INPP4B: variants seen among roughly 807,000 people sequenced by gnomAD.
The protein encoded by INPP4B is inositol polyphosphate-4-phosphatase type II B, also known as inositol polyphosphate 4-phosphatase type II.
INPP4B carries 55 observed loss-of-function variants against 122.5 expected under a neutral mutation model. The observed-to-expected ratio is 0.45, with a 90% CI of 0.36 to 0.56. The LOEUF (loss-of-function observed/expected upper bound fraction) is 0.56. Ranked by LOEUF, INPP4B falls within the 20% of genes least tolerant of loss-of-function variation. The probability of loss-of-function intolerance (pLI) is 0.00; values close to 1 mark genes in which losing one functional copy is unlikely to be tolerated. For missense variants in INPP4B, 1,000 were observed against 1,097.7 expected, an observed-to-expected ratio of 0.91 and a Z score of 1.26; for synonymous variants, 403 against 388.7, an observed-to-expected ratio of 1.04 and a Z score of -0.43.
At chr4:142,727,887 A>C (rs947612678) in intron 1 of INPP4B, among the ~76,000 whole-genome samples, 1 of 152,162 alleles carries the variant, frequency 6.6e-6, no homozygotes, top group Non-Finnish European at 1.5e-5. Context: ...CCCAACCCCC[A>C]AAAAATCAGT....
intron 25 of INPP4B, among the ~76,000 whole-genome samples, chr4:142,054,365 C>A (rs1450345366): frequency 2.0e-5 from 3 of 151,838 alleles, no homozygotes; most frequent in South Asian, 4.2e-4. Context: ...GCTGCAAGTT[C>A]AAGTTCATTA....
intron 7 of INPP4B, among the ~76,000 whole-genome samples, chr4:142,357,653 A>T (rs777303236): frequency 6.6e-6 from 1 of 151,378 alleles, no homozygotes; most frequent in Non-Finnish European, 1.5e-5. Flanking sequence ...TGAGTACTGA[A>T]TAAGATGGGT....
At position 142,793,920 on chromosome 4, in the gene INPP4B, TGG is replaced by T. The variant is rs1436759876; in HGVS notation, c.-254+52287_-254+52288del. ...AAAATATTAAAGGAAACTAAACAAA[TGG>T]ATAGATGTACCATATTCATATATTG... is the stretch of plus-strand genomic sequence containing the variant. On this transcript the variant is annotated intron_variant, in intron 1 of 25. Coordinates refer to ENST00000262992, the MANE Select transcript of INPP4B (RefSeq NM_001101669.3). Among the ~76,000 whole-genome samples the T allele has an allele frequency of 5.4e-3, 814 of 152,138 alleles. 4 individuals carry two copies. Among genetic ancestry groups the T allele is most frequent in the African/African-American group, 0.018 (727 of 41,538 alleles).
chr4:142,239,764 T>C (rs1858376832), intron 11 of INPP4B, among the ~76,000 whole-genome samples: 1 of 152,142 alleles, frequency 6.6e-6, no homozygotes, highest in African/African-American at 2.4e-5. Flanking sequence ...CATTATTTTA[T>C]GGTAAGACAA....
intron 18 of INPP4B, among the ~76,000 whole-genome samples, chr4:142,145,541 G>A (rs1810228432): frequency 6.6e-6 from 1 of 151,952 alleles, no homozygotes. Flanking sequence ...TAAAATTTTG[G>A]AGGAATGTGT....
At chr4:142,513,273 T>A (rs1374276701) in intron 2 of INPP4B, among the ~76,000 whole-genome samples, 1 of 152,120 alleles carries the variant, frequency 6.6e-6, no homozygotes, top group Non-Finnish European at 1.5e-5. Context: ...AAAAACAAAT[T>A]TACTTCTCAC....
At chr4:142,508,058 A>T (rs1359181452) in intron 2 of INPP4B, among the ~76,000 whole-genome samples, 1 of 152,034 alleles carries the variant, frequency 6.6e-6, no homozygotes, top group Admixed American at 6.6e-5. Context: ...TGAGATATAG[A>T]TCTTCTTTCA....
At chr4:142,302,116 AG>A (rs1213917891) in intron 9 of INPP4B, among the ~76,000 whole-genome samples, 2 of 152,160 alleles carry the variant, frequency 1.3e-5, no homozygotes, top group Non-Finnish European at 2.9e-5. Flanking sequence ...GGATAGAGTC[AG>A]GGTTCTGGGA....
chr4:142,300,033 T>A (rs755877785), intron 9 of INPP4B, among the ~76,000 whole-genome samples: 2 of 152,176 alleles, frequency 1.3e-5, no homozygotes, highest in Non-Finnish European at 2.9e-5. Context: ...TGCAAAAAAG[T>A]GTAGGAATAG....
At chr4:142,206,409 C>A (rs1223060624) in intron 14 of INPP4B, among the ~76,000 whole-genome samples, 1 of 149,806 alleles carries the variant, frequency 6.7e-6, no homozygotes, top group East Asian at 2.0e-4. Flanking sequence ...GTGAATAAGA[C>A]CTAAATTAAA....
intron 11 of INPP4B, among the ~76,000 whole-genome samples, chr4:142,258,787 T>G (rs1161947031): frequency 1.3e-5 from 2 of 152,196 alleles, no homozygotes; most frequent in Non-Finnish European, 2.9e-5. Flanking sequence ...ATTGTGGAAG[T>G]CAGTGTGGCA....
At chr4:142,162,119 C>T (rs909716594) in intron 16 of INPP4B, among the ~76,000 whole-genome samples, 1 of 151,556 alleles carries the variant, frequency 6.6e-6, no homozygotes, top group African/African-American at 2.4e-5. Flanking sequence ...TTTTAAACAT[C>T]CTGTTATTAG....
intron 2 of INPP4B, among the ~76,000 whole-genome samples, chr4:142,667,040 A>G (rs1200007516): frequency 1.3e-5 from 2 of 152,190 alleles, no homozygotes; most frequent in Admixed American, 1.3e-4. Context: ...GCCTGGATCA[A>G]TCACTGTGGT....
At chr4:142,460,338 T>G (rs1033703883) in intron 3 of INPP4B, among the ~76,000 whole-genome samples, 1 of 152,150 alleles carries the variant, frequency 6.6e-6, no homozygotes, top group African/African-American at 2.4e-5. Flanking sequence ...AATTTACAGA[T>G]TACAAGACTC....
chr4:142,786,955 T>C (rs1025508240), intron 1 of INPP4B, among the ~76,000 whole-genome samples: 9 of 152,134 alleles, frequency 5.9e-5, no homozygotes, highest in Admixed American at 4.6e-4. Flanking sequence ...GAAAATAAAC[T>C]ATATACATGC....
intron 7 of INPP4B, among the ~76,000 whole-genome samples, chr4:142,342,888 T>C (rs1364801192): frequency 6.6e-6 from 1 of 152,124 alleles, no homozygotes; most frequent in Admixed American, 6.6e-5. Flanking sequence ...ACTGAATAAA[T>C]TATTACTTAT....
intron 2 of INPP4B, among the ~76,000 whole-genome samples, chr4:142,687,265 A>G (rs1247823307): frequency 1.3e-5 from 2 of 152,060 alleles, no homozygotes; most frequent in Non-Finnish European, 2.9e-5. Context: ...GATTATTTTT[A>G]CTTATTAAAT....
chr4:142,617,153 C>G (rs1487158530), intron 2 of INPP4B, among the ~76,000 whole-genome samples: 4 of 151,874 alleles, frequency 2.6e-5, no homozygotes, highest in African/African-American at 4.8e-5. Flanking sequence ...AACTGAGAAC[C>G]CTCACACTCC....
chr4:142,217,850 G>A (rs1323752139), intron 12 of INPP4B, among the ~76,000 whole-genome samples: 1 of 152,156 alleles, frequency 6.6e-6, no homozygotes, highest in Non-Finnish European at 1.5e-5. Flanking sequence ...CCAAGTAAGA[G>A]AGGAATCTCC....
Sources: gnomAD v4.1 joint callset for allele counts (sites outside exome capture counted in the v4.1 genomes callset) on GRCh38, gnomAD v4.1.1 for gene constraint, MANE v1.5 for transcripts, NCBI Gene and HGNC (gene_info 2026-07-23, HGNC 2026-07-21) for gene names.